DTNB: variants seen among roughly 807,000 people sequenced by gnomAD.
The protein encoded by DTNB is DTN-B.
In DTNB, 63 loss-of-function variants were observed where a neutral mutation model predicts 90.7. That is an observed-to-expected ratio of 0.69 (90% CI 0.57 to 0.86). DTNB has a LOEUF of 0.86. Ranked by LOEUF, DTNB falls within the 40% of genes least tolerant of loss-of-function variation. DTNB has a pLI of 0.00. For synonymous variants in DTNB, 277 were observed against 286.7 expected (o/e 0.97, Z 0.34); for missense variants, 744 against 807.1 (o/e 0.92, Z 0.95).
At chr2:25,472,196 G>A (rs558049444) in intron 10 of DTNB, among the ~76,000 whole-genome samples, 2 of 152,288 alleles carry the variant, frequency 1.3e-5, no homozygotes, top group Non-Finnish European at 2.9e-5. Flanking sequence ...CAGCTACTAC[G>A]ATACTATGAT....
intron 4 of DTNB, among the ~76,000 whole-genome samples, chr2:25,626,653 T>A (rs547405709): frequency 2.0e-5 from 3 of 152,352 alleles, no homozygotes; most frequent in Admixed American, 6.5e-5. Context: ...ATGTCTAATC[T>A]GATAACGGCT....
intron 14 of DTNB, among the ~76,000 whole-genome samples, chr2:25,431,847 C>T (rs2053962167): frequency 6.6e-6 from 1 of 152,196 alleles, no homozygotes; most frequent in South Asian, 2.1e-4. Context: ...AGACTTGCAG[C>T]AGTAAACCAC....
chr2:25,460,150 G>A (rs2060709178), intron 10 of DTNB, among the ~76,000 whole-genome samples: 1 of 152,110 alleles, frequency 6.6e-6, no homozygotes, highest in South Asian at 2.1e-4. Flanking sequence ...TCATAGTCAG[G>A]AAGTGGAGAT....
At chr2:25,613,785 T>C (rs187071705) in intron 4 of DTNB, among the ~76,000 whole-genome samples, 100 of 152,070 alleles carry the variant, frequency 6.6e-4, no homozygotes, top group Non-Finnish European at 1.2e-3. Flanking sequence ...TGGTGAAACC[T>C]TGTCTCTACT....
intron 7 of DTNB, among the ~76,000 whole-genome samples, chr2:25,577,370 G>A (rs2060850624): frequency 6.6e-6 from 1 of 152,200 alleles, no homozygotes; most frequent in South Asian, 2.1e-4. Flanking sequence ...CCAGGAAGCA[G>A]AGGCTGCAGT....
At chr2:25,388,062 G>C (rs991688334) in intron 17 of DTNB, 140 bp downstream of exon 17, 2 of 1,394,882 alleles carry the variant, frequency 1.4e-6, no homozygotes, top group African/African-American at 2.9e-5. Flanking sequence ...GCCAGCACCT[G>C]ACTTATTTAC....
rs552877956 is a variant in DTNB, at chr2:25,534,000, T to A, written c.877-2403A>T. On this transcript the variant is annotated intron_variant, in intron 8 of 20. Transcript: ENST00000406818. ...GGAAATGCAGCGTTTATTTTTTTTT[T>A]AATTTTTTTTTAAGTATTTATTGAT... Among the ~76,000 whole-genome samples the A allele has an allele frequency of 4.4e-3, 642 of 147,110 alleles. 4 individuals are homozygous for A. Among genetic ancestry groups the A allele is most frequent in the African/African-American group, 0.015 (595 of 38,980 alleles).
intron 9 of DTNB, among the ~76,000 whole-genome samples, chr2:25,489,367 A>C (rs1039721417): frequency 6.6e-5 from 10 of 152,354 alleles, no homozygotes; most frequent in African/African-American, 2.4e-4. Flanking sequence ...TAAAAATTAA[A>C]AAGATGAAAA....
intron 16 of DTNB, among the ~76,000 whole-genome samples, chr2:25,417,821 T>C (rs964361769): frequency 6.6e-6 from 1 of 152,176 alleles, no homozygotes; most frequent in Non-Finnish European, 1.5e-5. Flanking sequence ...AGTAGTCTCC[T>C]TCCTCTCCCT....
At chr2:25,595,266 A>G (rs2064350495) in intron 6 of DTNB, 1 of 152,160 alleles carries the variant, frequency 6.6e-6, no homozygotes, top group Non-Finnish European at 1.5e-5. Context: ...GTGATATCTG[A>G]TCAGTTTCTC....
In DTNB at chr2:25,596,138, C is replaced by T. The variant is rs751169927; in HGVS notation, c.551G>A (p.Gly184Glu). Residue 184 changes from glycine to glutamate, a missense_variant, in exon 6 of 21, where the codon GGG (glycine) becomes GAG (glutamate). Physicochemically the swap from Gly to Glu is moderately conservative, Grantham distance 98. Coordinates refer to ENST00000406818, the MANE Select transcript of DTNB (RefSeq NM_021907.5). Reference protein sequence around the residue: ...VLKLPTAVFEGPSFGYTEHSV... With the variant: ...VLKLPTAVFEEPSFGYTEHSV... Reference sequence around the variant, plus strand: ...GTGCTCTGTGTAACCAAAAGATGGCCCTTCAAAGACAGCTGTTGGGAGCTT... The same window carrying T: ...GTGCTCTGTGTAACCAAAAGATGGCTCTTCAAAGACAGCTGTTGGGAGCTT... The T allele has an allele frequency of 1.2e-6, 2 of 1,613,208 alleles. No individual in the cohort carries two copies. The highest frequency in any genetic ancestry group is 2.7e-5 in the African/African-American group (2 of 74,930).
intron 10 of DTNB, among the ~76,000 whole-genome samples, chr2:25,474,722 T>C (rs1403369683): frequency 1.3e-5 from 2 of 152,202 alleles, no homozygotes. Flanking sequence ...AATTGAACAT[T>C]TGTGGCAACC....
chr2:25,424,665 T>A lies in DTNB; in HGVS notation c.1554+2870A>T, dbSNP rs2050912624. Among the ~76,000 whole-genome samples, 1 of 150,912 alleles carries A rather than the reference T, an allele frequency of 6.6e-6. No individual in the cohort carries two copies. The highest frequency in any genetic ancestry group is 2.4e-5 in the African/African-American group (1 of 40,898). Reference sequence around the variant, plus strand: ...GTGACACAGGGAAGAGGTGAGTGGATCCCCTATTTTTTTTTTTTTTGAGAC... The same window carrying A: ...GTGACACAGGGAAGAGGTGAGTGGAACCCCTATTTTTTTTTTTTTTGAGAC... On this transcript the variant is annotated intron_variant, in intron 15 of 20. Coordinates refer to ENST00000406818, the MANE Select transcript of DTNB (RefSeq NM_021907.5). This position sits in a 1 kb window ranked among gnomAD's most constrained non-coding sequence, Gnocchi z 4.1.
At chr2:25,502,012 G>A (rs558659347) in intron 9 of DTNB, among the ~76,000 whole-genome samples, 1 of 151,856 alleles carries the variant, frequency 6.6e-6, no homozygotes, top group Non-Finnish European at 1.5e-5. Context: ...ATAGTGAGAT[G>A]CTGTTTCTAC....
chr2:25,635,718 G>T (rs2076983516), intron 3 of DTNB, among the ~76,000 whole-genome samples: 1 of 152,094 alleles, frequency 6.6e-6, no homozygotes, highest in African/African-American at 2.4e-5. Context: ...TTGTTTTGTT[G>T]GTTTTAGTAG....
At chr2:25,481,070 T>A (rs1455093250) in intron 10 of DTNB, among the ~76,000 whole-genome samples, 1 of 151,904 alleles carries the variant, frequency 6.6e-6, no homozygotes, top group Non-Finnish European at 1.5e-5. Context: ...CCCCAAAAGG[T>A]AGATATTATT....
intron 19 of DTNB, among the ~76,000 whole-genome samples, chr2:25,380,089 T>C (rs111769838): frequency 1.0e-3 from 153 of 152,176 alleles, no homozygotes; most frequent in African/African-American, 3.5e-3. Flanking sequence ...CAGGGGTGAA[T>C]ATGGCAGGGA....
At chr2:25,622,577 T>C (rs1280267718) in intron 4 of DTNB, among the ~76,000 whole-genome samples, 3 of 152,198 alleles carry the variant, frequency 2.0e-5, no homozygotes, top group Non-Finnish European at 4.4e-5. Flanking sequence ...CCCATACTCC[T>C]ACGTGGGAAG....
At chr2:25,457,318 T>C (rs72797620) in intron 10 of DTNB, among the ~76,000 whole-genome samples, 3,924 of 152,230 alleles carry the variant, frequency 0.026, 68 homozygotes, top group Non-Finnish European at 0.037. Context: ...CCCTGTAGTT[T>C]TGTTTGTTAT....
Sources: gnomAD v4.1 joint callset for allele counts (sites outside exome capture counted in the v4.1 genomes callset) on GRCh38, gnomAD v4.1.1 for gene constraint, Gnocchi (gnomAD v3.1) non-coding constraint, MANE v1.5 for transcripts, NCBI Gene and HGNC (gene_info 2026-07-23, HGNC 2026-07-21) for gene names.